Variants in ALPL observed in about 807,000 individuals in gnomAD.
The protein encoded by ALPL is alkaline phosphatase, biomineralization associated, also known as alkaline phosphatase, tissue-nonspecific isozyme.
ALPL carries 42 observed loss-of-function variants against 51.3 expected under a neutral mutation model. The observed-to-expected ratio is 0.82, with a 90% CI of 0.64 to 1.06. The LOEUF (loss-of-function observed/expected upper bound fraction) is 1.06. ALPL is among the 50% of genes least tolerant of loss of function. ALPL has a pLI of 0.00. For synonymous variants in ALPL, 279 were observed against 296.4 expected (o/e 0.94, Z 0.60); for missense variants, 589 against 709.4 (o/e 0.83, Z 1.93).
At chr1:21,557,405 A>G (rs1228442974) in intron 2 of ALPL, among the ~76,000 whole-genome samples, 1 of 152,208 alleles carries the variant, frequency 6.6e-6, no homozygotes, top group East Asian at 1.9e-4. Flanking sequence ...CTGAGCTCTC[A>G]GGCCATTGCT....
chr1:21,563,217 G>A lies in ALPL; in HGVS notation c.405G>A (p.Glu135=), dbSNP rs1364233624. 6.2e-7 allele frequency: 1 copy of A among 1,613,920 alleles called. No homozygotes were observed. The highest frequency in any genetic ancestry group is 2.2e-5 in the East Asian group (1 of 44,872). Residue 135 remains glutamate (E), a synonymous_variant, in exon 5 of 12, where the codon GAG becomes GAA. Coordinates refer to ENST00000374840, the MANE Select transcript of ALPL (RefSeq NM_000478.6). The part of the protein sequence containing the change: ...EGTVGVSAAT[E]RSRCNTTQGN... ...CCGTGGGGGTAAGCGCAGCCACTGA[G>A]CGTTCCCGGTGCAACACCACCCAGG... is the stretch of plus-strand genomic sequence containing the variant.
At chr1:21,576,461 G>C in intron 10 of ALPL, 61 bp from the exon 11 acceptor site, 4 of 1,596,684 alleles carry the variant, frequency 2.5e-6, no homozygotes, top group Non-Finnish European at 3.4e-6. Context: ...CCTAATCTGG[G>C]GGCTGGGGAC....
intron 4 of ALPL, 76 bp downstream of exon 4, chr1:21,561,288 C>A: frequency 7.6e-7 from 1 of 1,323,208 alleles, no homozygotes; most frequent in Non-Finnish European, 1.1e-6. Flanking sequence ...TGACAGCAGC[C>A]AGAGGTCCCC....
intron 1 of ALPL, among the ~76,000 whole-genome samples, chr1:21,522,192 C>T (rs1643889379): frequency 6.6e-6 from 1 of 152,088 alleles, no homozygotes; most frequent in African/African-American, 2.4e-5. Flanking sequence ...CTGCCTCAAC[C>T]TCCCCAGTAG....
chr1:21,561,031 G>T, intron 3 of ALPL, 66 bp from the exon 4 acceptor site: 1 of 1,427,882 alleles, frequency 7.0e-7, no homozygotes, highest in South Asian at 1.2e-5. Flanking sequence ...GAGCTTCTGG[G>T]TACCCAAGCA....
At chr1:21,560,777 A>G (rs1326976747) in intron 3 of ALPL, 32 bp downstream of exon 3, 4 of 1,613,590 alleles carry the variant, frequency 2.5e-6, no homozygotes, top group Non-Finnish European at 3.4e-6. Flanking sequence ...GAGGGGTGGA[A>G]CAGGACACCT....
chr1:21,537,901 T>C (rs1257711660), intron 1 of ALPL, among the ~76,000 whole-genome samples: 3 of 152,188 alleles, frequency 2.0e-5, no homozygotes, highest in Non-Finnish European at 2.9e-5. Context: ...AGTTGCTCCA[T>C]AGAGTTTCTC....
chr1:21,546,577 T>A (rs550169988), intron 1 of ALPL, among the ~76,000 whole-genome samples: 1 of 152,348 alleles, frequency 6.6e-6, no homozygotes, highest in South Asian at 2.1e-4. Flanking sequence ...GGCCCCTCCG[T>A]GCTGGCAACA....
intron 1 of ALPL, among the ~76,000 whole-genome samples, chr1:21,539,877 C>T (rs985122386): frequency 6.6e-6 from 1 of 152,022 alleles, no homozygotes; most frequent in Non-Finnish European, 1.5e-5. Flanking sequence ...AGGATGGTCT[C>T]GATCTCCTGA....
intron 3 of ALPL, 62 bp downstream of exon 3, chr1:21,560,807 C>G (rs1412793884): frequency 6.2e-7 from 1 of 1,605,234 alleles, no homozygotes; most frequent in Non-Finnish European, 8.5e-7. Flanking sequence ...CCCCGGGAGC[C>G]AGGCTGAGTT....
intron 3 of ALPL, 70 bp from the exon 4 acceptor site, chr1:21,561,027 C>T (rs1644477077): frequency 1.4e-6 from 2 of 1,409,282 alleles, no homozygotes; most frequent in South Asian, 1.2e-5. Context: ...TAGAGAGCTT[C>T]TGGGTACCCA....
chr1:21,527,243 G>C (rs1452844581), intron 1 of ALPL, among the ~76,000 whole-genome samples: 3 of 152,010 alleles, frequency 2.0e-5, no homozygotes, highest in African/African-American at 4.8e-5. Context: ...TGTTGGTCAG[G>C]CTGGTCTCGA....
intron 1 of ALPL, among the ~76,000 whole-genome samples, chr1:21,540,883 G>T (rs918561858): frequency 6.6e-6 from 1 of 152,162 alleles, no homozygotes; most frequent in African/African-American, 2.4e-5. Flanking sequence ...TACCTGGCAG[G>T]TTACTCCTTT....
chr1:21,578,341 T>C lies in ALPL; in HGVS notation c.*693T>C, dbSNP rs1449257234. The C allele has an allele frequency of 3.3e-5, 5 of 152,764 alleles. No homozygotes were observed. Among genetic ancestry groups the C allele is most frequent in the Admixed American group, 6.5e-5 (1 of 15,292 alleles). The allele number at this position is 152,764 out of a possible 1,614,324, so 9.5% of individuals were successfully genotyped here. On this transcript the variant is annotated 3_prime_UTR_variant, in exon 12 of 12. Coordinates refer to ENST00000374840, the MANE Select transcript of ALPL (RefSeq NM_000478.6). This position sits in a 1 kb window ranked among gnomAD's most constrained non-coding sequence, Gnocchi z 4.2. ...TGGAACGGCAAAAAAAAATTTTTTT[T>C]TCTCTTTTTGGTGGTGGTTAAAAGG...
At chr1:21,529,613 CTG>C (rs1644001717) in intron 1 of ALPL, among the ~76,000 whole-genome samples, 1 of 152,194 alleles carries the variant, frequency 6.6e-6, no homozygotes, top group Non-Finnish European at 1.5e-5. Context: ...TGGATACACT[CTG>C]TAATTTATTC....
chr1:21,526,043 C>T (rs1171393275), intron 1 of ALPL, among the ~76,000 whole-genome samples: 1 of 152,168 alleles, frequency 6.6e-6, no homozygotes, highest in African/African-American at 2.4e-5. Flanking sequence ...CAGACTCCCC[C>T]ACAGAGCCCT....
chr1:21,575,094 C>T lies in ALPL; in HGVS notation c.998-639C>T, dbSNP rs957010518. On this transcript the variant is annotated intron_variant, in intron 9 of 11. Transcript: ENST00000374840. ...CAGGCTTCGGCAGGGCTTTGTGGAA[C>T]CTGCCACAGGCACTGCCCAGGCACT... Among the ~76,000 whole-genome samples, 11 of 152,336 alleles carry T rather than the reference C, an allele frequency of 7.2e-5. 1 individual carries two copies. The South Asian group carries it at 2.3e-3, about 32-fold the overall frequency.
intron 4 of ALPL, among the ~76,000 whole-genome samples, chr1:21,562,020 C>T (rs1438038523): frequency 6.6e-6 from 1 of 152,038 alleles, no homozygotes; most frequent in African/African-American, 2.4e-5. Flanking sequence ...CGAGGCAGTT[C>T]GTGAAGTTAA....
At chr1:21,524,038 C>T (rs550175928) in intron 1 of ALPL, among the ~76,000 whole-genome samples, 1 of 123,532 alleles carries the variant, frequency 8.1e-6, no homozygotes, top group Admixed American at 1.0e-4. Flanking sequence ...GAGTCTCGCT[C>T]TGTCGCCCAG....
Sources: gnomAD v4.1 joint callset for allele counts (sites outside exome capture counted in the v4.1 genomes callset) on GRCh38, gnomAD v4.1.1 for gene constraint, Gnocchi (gnomAD v3.1) non-coding constraint, MANE v1.5 for transcripts, NCBI Gene and HGNC (gene_info 2026-07-23, HGNC 2026-07-21) for gene names.